MAML2: variants seen among roughly 807,000 people sequenced by gnomAD.
The protein encoded by MAML2 is mastermind like transcriptional coactivator 2.
MAML2 carries 22 observed loss-of-function variants against 96.1 expected under a neutral mutation model. That is an observed-to-expected ratio of 0.23 (90% confidence interval 0.16 to 0.33). The LOEUF (loss-of-function observed/expected upper bound fraction) is 0.33, where lower values mean the gene tolerates loss of function less well. Among genes scored for constraint, MAML2 ranks in the 10% least tolerant of loss-of-function variants. The pLI is 1.00. For missense variants in MAML2, 1,367 were observed against 1,392.4 expected (o/e 0.98, Z 0.29); for synonymous variants, 561 against 521.3 (o/e 1.08, Z -1.04).
intron 1 of MAML2, among the ~76,000 whole-genome samples, chr11:96,210,092 C>CAATTT (rs1435014202): frequency 7.2e-5 from 11 of 151,966 alleles, no homozygotes; most frequent in Non-Finnish European, 1.5e-4. Context: ...TGTGCCTTAC[C>CAATTT]ATTTTATTTT....
intron 1 of MAML2, among the ~76,000 whole-genome samples, chr11:96,117,243 C>G (rs749023467): frequency 6.6e-6 from 1 of 151,388 alleles, no homozygotes; most frequent in Non-Finnish European, 1.5e-5. Context: ...CTTCACAAAG[C>G]AACTGGACTC....
At chr11:96,033,055 G>T (rs138702189) in intron 2 of MAML2, among the ~76,000 whole-genome samples, 3 of 152,310 alleles carry the variant, frequency 2.0e-5, no homozygotes, top group East Asian at 3.8e-4. Flanking sequence ...AAAACAGGGA[G>T]ACTCTCCCTT....
chr11:96,197,750 G>A (rs1162267783), intron 1 of MAML2, among the ~76,000 whole-genome samples: 2 of 152,158 alleles, frequency 1.3e-5, no homozygotes, highest in Non-Finnish European at 2.9e-5. Context: ...ATAAGCAATT[G>A]CAGCAATTAT....
intron 2 of MAML2, among the ~76,000 whole-genome samples, chr11:96,024,175 A>G (rs1032658801): frequency 4.6e-5 from 7 of 152,248 alleles, no homozygotes; most frequent in Non-Finnish European, 1.0e-4. Context: ...TCTCTCAGGG[A>G]AAGATACTGT....
intron 4 of MAML2, among the ~76,000 whole-genome samples, chr11:95,983,636 G>A (rs529715019): frequency 6.6e-6 from 1 of 152,186 alleles, no homozygotes; most frequent in East Asian, 1.9e-4. Context: ...ATTACACACT[G>A]TTTACATACA....
intron 2 of MAML2, among the ~76,000 whole-genome samples, chr11:96,026,308 G>T (rs1858516683): frequency 6.6e-6 from 1 of 152,178 alleles, no homozygotes. Flanking sequence ...CTCTCATTTT[G>T]AATATAAGGT....
chr11:96,132,545 CAAGA>C (rs1228531192), intron 1 of MAML2, among the ~76,000 whole-genome samples: 1 of 151,766 alleles, frequency 6.6e-6, no homozygotes, highest in Non-Finnish European at 1.5e-5. Flanking sequence ...ATGACAGTAA[CAAGA>C]AAGTAGAACT....
intron 2 of MAML2, among the ~76,000 whole-genome samples, chr11:96,002,749 T>G (rs111068677): frequency 0.017 from 2,420 of 138,548 alleles, 94 homozygotes; most frequent in African/African-American, 0.064. Context: ...ATGATCGGGA[T>G]GATGAGGAGG....
At chr11:96,094,572 C>A (rs952061947) in intron 1 of MAML2, among the ~76,000 whole-genome samples, 2 of 152,170 alleles carry the variant, frequency 1.3e-5, no homozygotes, top group South Asian at 2.1e-4. Context: ...ACTTCATTCA[C>A]AAACTAGCAA....
At chr11:96,242,347 G>A (rs1227354198) in intron 1 of MAML2, among the ~76,000 whole-genome samples, 1 of 152,134 alleles carries the variant, frequency 6.6e-6, no homozygotes, top group Non-Finnish European at 1.5e-5. Flanking sequence ...TTAAAAAAAT[G>A]CCCATGTACT....
intron 1 of MAML2, among the ~76,000 whole-genome samples, chr11:96,302,118 A>G (rs1863394349): frequency 6.6e-6 from 1 of 152,138 alleles, no homozygotes; most frequent in African/African-American, 2.4e-5. Context: ...ATTTCTGTTC[A>G]TTATTAAAAT....
intron 1 of MAML2, among the ~76,000 whole-genome samples, chr11:96,103,673 C>T (rs539511889): frequency 2.0e-5 from 3 of 152,158 alleles, no homozygotes; most frequent in Non-Finnish European, 4.4e-5. Flanking sequence ...CCTGTCCTTC[C>T]CTGTCTGTTT....
intron 1 of MAML2, among the ~76,000 whole-genome samples, chr11:96,215,718 GCAGAGCCCAGCTGCAGCCACCCCCCT>G (rs1048225194): frequency 2.0e-5 from 3 of 151,990 alleles, no homozygotes; most frequent in African/African-American, 4.8e-5. Context: ...CTGCAGCTGG[GCAGAGCCCAGCTGCAGCCACCCCCCT>G]CGGGTGCTGG....
At chr11:96,229,621 A>G (rs1862262806) in intron 1 of MAML2, among the ~76,000 whole-genome samples, 1 of 151,002 alleles carries the variant, frequency 6.6e-6, no homozygotes, top group Non-Finnish European at 1.5e-5. Context: ...CCTTGACTAC[A>G]TATCGATTGA....
intron 1 of MAML2, among the ~76,000 whole-genome samples, chr11:96,238,030 C>A (rs1862388536): frequency 6.6e-6 from 1 of 152,186 alleles, no homozygotes; most frequent in Non-Finnish European, 1.5e-5. Context: ...CAAATTAGTA[C>A]TTAAGTGGTT....
chr11:96,251,459 T>C (rs1281342435), intron 1 of MAML2, among the ~76,000 whole-genome samples: 2 of 152,254 alleles, frequency 1.3e-5, no homozygotes, highest in Non-Finnish European at 2.9e-5. Context: ...ATTCTTGTTT[T>C]ATAACTGAAT....
At chr11:96,295,431 C>T (rs536384908) in intron 1 of MAML2, among the ~76,000 whole-genome samples, 202 of 152,224 alleles carry the variant, frequency 1.3e-3, no homozygotes, top group African/African-American at 4.6e-3. Context: ...ATGAGATGAA[C>T]TATAAACAGA....
At chr11:96,193,379 A>AC (rs1861684229) in intron 1 of MAML2, among the ~76,000 whole-genome samples, 6 of 151,964 alleles carry the variant, frequency 3.9e-5, no homozygotes, top group Non-Finnish European at 8.8e-5. Flanking sequence ...AACAACAACA[A>AC]AAAAAAATGT....
chr11:96,160,803 G>T (rs1242521579), intron 1 of MAML2, among the ~76,000 whole-genome samples: 3 of 152,158 alleles, frequency 2.0e-5, no homozygotes, highest in Non-Finnish European at 2.9e-5. Context: ...ATAAAATAAG[G>T]AATAGAATCT....
Sources: gnomAD v4.1 joint callset for allele counts (sites outside exome capture counted in the v4.1 genomes callset) on GRCh38, gnomAD v4.1.1 for gene constraint, MANE v1.5 for transcripts, NCBI Gene and HGNC (gene_info 2026-07-23, HGNC 2026-07-21) for gene names.